FRY: variants seen among roughly 807,000 people sequenced by gnomAD.
FRY encodes FRY microtubule binding protein.
FRY carries 128 observed loss-of-function variants against 348.4 expected under a neutral mutation model. That is an observed-to-expected ratio of 0.37 (90% CI 0.32 to 0.43). The LOEUF is 0.43. FRY is among the 20% of genes least tolerant of loss of function. FRY has a pLI of 1.00. For synonymous variants in FRY, 1,370 were observed against 1,374.7 expected, an observed-to-expected ratio of 1.00 and a Z score of 0.08; for missense variants, 2,736 against 3,695.2, an observed-to-expected ratio of 0.74 and a Z score of 6.73.
At chr13:32,069,682 C>T (rs1381421914) in intron 1 of FRY, among the ~76,000 whole-genome samples, 2 of 152,168 alleles carry the variant, frequency 1.3e-5, no homozygotes, top group East Asian at 3.9e-4. Flanking sequence ...TGAAGTAAAC[C>T]AGTCACACAA....
chr13:32,090,753 T>G (rs1415672611), intron 2 of FRY, among the ~76,000 whole-genome samples: 1 of 152,202 alleles, frequency 6.6e-6, no homozygotes, highest in Admixed American at 6.5e-5. Flanking sequence ...AGAGCTGCTC[T>G]TTTGTTCAAT....
intron 4 of FRY, among the ~76,000 whole-genome samples, chr13:32,121,565 C>A (rs1386952458): frequency 1.3e-5 from 2 of 152,092 alleles, no homozygotes; most frequent in Non-Finnish European, 2.9e-5. Context: ...TGTTTGTTGG[C>A]CATTTGTATG....
chr13:32,122,441 CAGAAAAAAAAAA>C (rs1158805473), intron 4 of FRY, among the ~76,000 whole-genome samples: 1 of 136,694 alleles, frequency 7.3e-6, no homozygotes, highest in Non-Finnish European at 1.6e-5. Context: ...GACTCCGCCT[CAGAAAAAAAAAA>C]AGAAAAAAAA....
rs1888441046 is a variant in FRY at position 32,274,881 on chromosome 13, G to T, written c.8176G>T (p.Ala2726Ser). Residue 2726 changes from alanine (A) to serine (S), a missense_variant, in exon 56 of 61, where the codon GCC becomes TCC. By Grantham distance (99) the Ala-to-Ser change is moderately conservative (BLOSUM62 1). Transcript: ENST00000542859. ...GTTCTGCTTCCTAACCTGTGATGCAGCCAGTTACCTTGGAGATAACCTCCG... is the reference window on the plus strand; with the variant it reads ...GTTCTGCTTCCTAACCTGTGATGCATCCAGTTACCTTGGAGATAACCTCCG... ...KRFCFLTCDA[A>S]SYLGDNLRGI... 1.2e-6 allele frequency: 2 copies of T among 1,613,354 alleles called. No individual in the cohort carries two copies. The highest frequency in any genetic ancestry group is 2.7e-5 in the African/African-American group (2 of 74,866).
At chr13:32,187,441 C>T in intron 27 of FRY, 105 bp from the exon 28 acceptor site, 1 of 737,146 alleles carries the variant, frequency 1.4e-6, no homozygotes, top group East Asian at 2.6e-5. Context: ...CTTTAGAGGG[C>T]CCTTATCATT....
At chr13:32,154,008 G>A (rs568132984) in intron 14 of FRY, among the ~76,000 whole-genome samples, 7 of 152,042 alleles carry the variant, frequency 4.6e-5, no homozygotes, top group South Asian at 4.1e-4. Context: ...GTGTTGTCCC[G>A]GGAAAAGGAA....
intron 36 of FRY, among the ~76,000 whole-genome samples, chr13:32,219,073 A>G (rs1254970255): frequency 6.8e-6 from 1 of 147,964 alleles, no homozygotes; most frequent in Non-Finnish European, 1.5e-5. Flanking sequence ...GTGTTTCTAT[A>G]TATATACATA....
intron 3 of FRY, among the ~76,000 whole-genome samples, chr13:32,116,289 C>A (rs1014446015): frequency 6.6e-6 from 1 of 152,012 alleles, no homozygotes; most frequent in African/African-American, 2.4e-5. Context: ...CAACTCTGGG[C>A]GTTATAATTT....
Position 32,294,431 on chromosome 13 carries a change from A to C in FRY, c.8644A>C (p.Ile2882Leu), listed in dbSNP as rs369350765. ...KKHLKEASAV[I>L]AADPLYSDGA... is the part of the protein sequence containing the mutation. ...ACACCTGAAGGAAGCCAGTGCAGTC[A>C]TTGCAGCTGACCCTCTCTATTCAGA... The change falls in exon 60 of 61, where the codon ATT becomes CTT. Residue 2882 changes from isoleucine (I) to leucine (L), a missense_variant. Around this residue, in one of 9 missense-constraint regions of FRY, gnomAD observed 157 missense variants for 215.2 expected, o/e 0.73. Coordinates refer to ENST00000542859, the MANE Select transcript of FRY (RefSeq NM_023037.3). The C allele has an allele frequency of 6.2e-7, 1 of 1,614,080 alleles. No homozygotes were observed. The highest frequency in any genetic ancestry group is 8.5e-7 in the Non-Finnish European group (1 of 1,179,928).
chr13:32,193,415 A>G (rs1883471414), intron 28 of FRY, among the ~76,000 whole-genome samples: 1 of 151,872 alleles, frequency 6.6e-6, no homozygotes, highest in Non-Finnish European at 1.5e-5. Context: ...CTGGCATCAA[A>G]ATGTTTAGGT....
chr13:32,115,626 A>G (rs1441682351), intron 3 of FRY, among the ~76,000 whole-genome samples: 3 of 152,122 alleles, frequency 2.0e-5, no homozygotes, highest in Non-Finnish European at 2.9e-5. Context: ...CGTCACATCA[A>G]TTGTGATAAT....
intron 55 of FRY, among the ~76,000 whole-genome samples, chr13:32,270,953 T>A (rs1888173420): frequency 6.6e-6 from 1 of 152,194 alleles, no homozygotes; most frequent in Non-Finnish European, 1.5e-5. Context: ...TAACTTCATG[T>A]CAGTAGACCA....
At chr13:32,238,040 A>G (rs1886307349) in intron 44 of FRY, 54 bp downstream of exon 44, 3 of 1,588,460 alleles carry the variant, frequency 1.9e-6, no homozygotes, top group Non-Finnish European at 2.6e-6. Flanking sequence ...TGTGTTCATC[A>G]TTTGGTACAA....
intron 56 of FRY, among the ~76,000 whole-genome samples, chr13:32,275,817 C>T (rs1311796812): frequency 1.3e-5 from 2 of 152,020 alleles, no homozygotes; most frequent in Non-Finnish European, 2.9e-5. Context: ...CATGGCTTTA[C>T]ACATGGAACT....
chr13:32,053,057 G>A (rs2138411647), intron 1 of FRY, among the ~76,000 whole-genome samples: 1 of 151,954 alleles, frequency 6.6e-6, no homozygotes, highest in African/African-American at 2.4e-5. Context: ...AGGTCGCAAT[G>A]AGCTGAGATC....
chr13:32,131,549 GTTGTAC>G (rs1879365443), intron 7 of FRY, 117 bp from the exon 8 acceptor site: 1 of 713,162 alleles, frequency 1.4e-6, no homozygotes. Context: ...AATCATGGCT[GTTGTAC>G]TTGAACTGAT....
At chr13:32,158,399 CACCA>C (rs1477101405) in intron 16 of FRY, among the ~76,000 whole-genome samples, 7 of 152,080 alleles carry the variant, frequency 4.6e-5, no homozygotes, top group Non-Finnish European at 1.0e-4. Flanking sequence ...TCCTGCAGCT[CACCA>C]ATTACTCGAT....
intron 35 of FRY, among the ~76,000 whole-genome samples, chr13:32,217,008 G>T (rs1261123509): frequency 1.3e-5 from 2 of 152,170 alleles, no homozygotes; most frequent in African/African-American, 2.4e-5. Flanking sequence ...GTGCCCTAAG[G>T]TTGTACACCT....
At chr13:32,183,084 C>T (rs764740003) in intron 24 of FRY, 50 bp downstream of exon 24, 2 of 1,140,274 alleles carry the variant, frequency 1.8e-6, no homozygotes, top group African/African-American at 3.1e-5. Context: ...GGACAATCAT[C>T]TGAATTTAAA....
Sources: allele counts gnomAD v4.1 joint callset (sites outside exome capture counted in the v4.1 genomes callset), GRCh38; gene constraint gnomAD v4.1.1; regional missense constraint gnomAD v4.1.1; transcripts MANE v1.5; gene names NCBI Gene and HGNC (gene_info 2026-07-23, HGNC 2026-07-21).